Variants in RIMKLB observed in about 807,000 individuals in gnomAD.
The protein encoded by RIMKLB is ribosomal modification protein rimK like family member B, also known as beta-citrylglutamate synthase B.
A neutral mutation model predicts 32.0 loss-of-function variants in RIMKLB; 7 were observed. The ratio of observed to expected loss-of-function variants is 0.22; its 90% CI spans 0.12 to 0.41. The LOEUF is 0.41. RIMKLB is among the 10% of genes least tolerant of loss of function. RIMKLB has a pLI of 1.00. For synonymous variants in RIMKLB, 172 were observed against 185.1 expected (o/e 0.93, Z 0.57); for missense variants, 289 against 498.7 (o/e 0.58, Z 4.00).
chr12:8,686,630 CCACCACG>C (rs1942583128), intron 1 of RIMKLB, among the ~76,000 whole-genome samples: 1 of 151,638 alleles, frequency 6.6e-6, no homozygotes, highest in South Asian at 2.1e-4. Flanking sequence ...CAGGCGCCCG[CCACCACG>C]CCCGGCTAAT....
intron 2 of RIMKLB, among the ~76,000 whole-genome samples, chr12:8,715,257 T>A (rs1214144193): frequency 7.3e-6 from 1 of 137,154 alleles, no homozygotes; most frequent in Non-Finnish European, 1.5e-5. Flanking sequence ...GGAGACAGGG[T>A]CTTTGTCACC....
intron 1 of RIMKLB, among the ~76,000 whole-genome samples, chr12:8,690,046 A>G (rs1291762358): frequency 6.6e-6 from 1 of 152,170 alleles, no homozygotes; most frequent in Non-Finnish European, 1.5e-5. Context: ...CACTAAACTC[A>G]GGATTTTCTG....
intron 2 of RIMKLB, among the ~76,000 whole-genome samples, chr12:8,718,102 C>T (rs781135220): frequency 6.6e-6 from 1 of 152,108 alleles, no homozygotes; most frequent in Admixed American, 6.6e-5. Flanking sequence ...ACAACTATCC[C>T]ACTGTAGTCA....
chr12:8,683,993 C>A (rs1173839877), intron 1 of RIMKLB, among the ~76,000 whole-genome samples: 1 of 152,024 alleles, frequency 6.6e-6, no homozygotes, highest in Non-Finnish European at 1.5e-5. Flanking sequence ...AGTGAACCAC[C>A]CCCCTCGGCT....
At chr12:8,762,338 A>G (rs1949599446) in intron 5 of RIMKLB, among the ~76,000 whole-genome samples, 1 of 151,932 alleles carries the variant, frequency 6.6e-6, no homozygotes, top group Non-Finnish European at 1.5e-5. Flanking sequence ...TCCCCATTCT[A>G]TTTCTTCTTC....
chr12:8,675,045 T>G, the RIMKLB span, among the ~76,000 whole-genome samples: 55 of 151,986 alleles, frequency 3.6e-4, no homozygotes, highest in African/African-American at 1.3e-3. Context: ...TGTATTTTAG[T>G]AGAGACAGGG....
At chr12:8,761,312 C>A (rs1344990514) in intron 5 of RIMKLB, among the ~76,000 whole-genome samples, 3 of 148,798 alleles carry the variant, frequency 2.0e-5, no homozygotes, top group African/African-American at 7.4e-5. Context: ...TTCCAAATTG[C>A]CCTTTGCATT....
rs1170659522 is a variant in RIMKLB at position 8,775,911 on chromosome 12, T to C, written c.*2127T>C. ...ACATACATATATTAATACCTCTGAC[T>C]CATTAACAGAAAGAAATACTTGGTA... On this transcript the variant is annotated 3_prime_UTR_variant, in exon 6 of 6. Transcript: ENST00000535829. 2.0e-6 allele frequency: 2 copies of C among 985,012 alleles called. No individual in the cohort carries two copies. The highest frequency in any genetic ancestry group is 2.4e-6 in the Non-Finnish European group (2 of 829,672). 61.0% of individuals were successfully genotyped at this position (985,012 alleles called of 1,614,324 possible).
chr12:8,754,621 T>C (rs1948869556), intron 5 of RIMKLB, among the ~76,000 whole-genome samples: 1 of 152,206 alleles, frequency 6.6e-6, no homozygotes, highest in South Asian at 2.1e-4. Flanking sequence ...ACCATTTGTA[T>C]GTTTATTATT....
At chr12:8,715,228 CTTTTTT>C (rs61677474) in intron 2 of RIMKLB, among the ~76,000 whole-genome samples, 1 of 123,756 alleles carries the variant, frequency 8.1e-6, no homozygotes, top group Admixed American at 8.0e-5. Context: ...TGCTCTTGTT[CTTTTTT>C]TTTTTTTTTT....
chr12:8,669,794 G>A, the RIMKLB span, among the ~76,000 whole-genome samples: 26 of 151,834 alleles, frequency 1.7e-4, no homozygotes, highest in African/African-American at 5.8e-4. Context: ...TTGGGAGGCC[G>A]AGGCGGGCGG....
At chr12:8,717,783 A>G (rs1945008636) in intron 2 of RIMKLB, among the ~76,000 whole-genome samples, 2 of 152,210 alleles carry the variant, frequency 1.3e-5, no homozygotes, top group Non-Finnish European at 2.9e-5. Context: ...AATCTCTCGG[A>G]ATTATGGCTC....
intron 2 of RIMKLB, among the ~76,000 whole-genome samples, chr12:8,720,713 C>T (rs1945355843): frequency 6.6e-6 from 1 of 152,004 alleles, no homozygotes; most frequent in Non-Finnish European, 1.5e-5. Flanking sequence ...CTAATTTTTG[C>T]ATTTTTGGTA....
chr12:8,693,888 C>T (rs1433707571), upstream of RIMKLB, among the ~76,000 whole-genome samples: 2 of 152,102 alleles, frequency 1.3e-5, no homozygotes, highest in Admixed American at 6.5e-5. Context: ...GGTGCCTGGA[C>T]GCCAATGCTG....
At chr12:8,685,992 G>A (rs1409845460) in intron 1 of RIMKLB, among the ~76,000 whole-genome samples, 4 of 152,102 alleles carry the variant, frequency 2.6e-5, no homozygotes, top group Admixed American at 6.5e-5. Context: ...ATTTTCAGTA[G>A]AGACGGGGTT....
chr12:8,762,998 C>G (rs1165977588), intron 5 of RIMKLB, among the ~76,000 whole-genome samples: 1 of 152,240 alleles, frequency 6.6e-6, no homozygotes, highest in Non-Finnish European at 1.5e-5. Flanking sequence ...AGTTGCAGCA[C>G]TGGCTCTTTA....
chr12:8,719,280 T>C (rs915439088), intron 2 of RIMKLB, among the ~76,000 whole-genome samples: 2 of 152,252 alleles, frequency 1.3e-5, no homozygotes, highest in African/African-American at 2.4e-5. Flanking sequence ...TGCCTTCATA[T>C]ACTGTAGTTT....
Position 8,718,665 on chromosome 12 carries a change from ATATATGTGTGTGTG to A in RIMKLB, c.175+4626_175+4639del, listed in dbSNP as rs1273224683. Among the ~76,000 whole-genome samples, 590 of 104,314 alleles carry A rather than the reference ATATATGTGTGTGTG, an allele frequency of 5.7e-3. 4 individuals carry two copies. The highest frequency in any genetic ancestry group is 0.018 in the African/African-American group (502 of 28,514). The allele number at this position is 104,314 out of a possible 152,430, so 68.4% of individuals were successfully genotyped here. A position where few individuals can be genotyped will look rare whatever the true frequency, so the allele number is the denominator to read the frequency against. ...TCTCTCTCTCTCTCTATATATATAT[ATATATGTGTGTGTG>A]TGTGTGTGTGTGTGTGTGTGTGTGT... On this transcript the variant is annotated intron_variant, in intron 2 of 5. Transcript: ENST00000535829.
At chr12:8,778,013 A>G (rs2138379183), downstream of RIMKLB, among the ~76,000 whole-genome samples, 1 of 152,286 alleles carries the variant, frequency 6.6e-6, no homozygotes, top group East Asian at 1.9e-4. Context: ...AGACTTGGGA[A>G]TTTTGTTTAG....
Sources: allele counts gnomAD v4.1 joint callset (sites outside exome capture counted in the v4.1 genomes callset), GRCh38; gene constraint gnomAD v4.1.1; transcripts MANE v1.5; gene names NCBI Gene and HGNC (gene_info 2026-07-23, HGNC 2026-07-21).